ANAPC10: variants seen among roughly 807,000 people sequenced by gnomAD.
The protein encoded by ANAPC10 is anaphase-promoting complex subunit 10.
ANAPC10 carries 12 observed loss-of-function variants against 22.0 expected under a neutral mutation model. That is an observed-to-expected ratio of 0.55 (90% CI 0.35 to 0.88). ANAPC10 has a LOEUF of 0.88. Ranked by LOEUF, ANAPC10 falls within the 40% of genes least tolerant of loss-of-function variation. ANAPC10 has a pLI of 0.01. For missense variants in ANAPC10, 188 were observed against 220.9 expected (o/e 0.85, Z 0.94); for synonymous variants, 65 against 69.5 (o/e 0.94, Z 0.32).
chr4:145,015,711 G>A (rs1228217656), intron 4 of ANAPC10, among the ~76,000 whole-genome samples: 3 of 152,132 alleles, frequency 2.0e-5, no homozygotes, highest in East Asian at 1.9e-4. Context: ...AACCTATAAA[G>A]GTAAACCTAT....
intron 4 of ANAPC10, among the ~76,000 whole-genome samples, chr4:145,005,317 T>C (rs560353618): frequency 2.6e-5 from 4 of 152,326 alleles, no homozygotes; most frequent in African/African-American, 9.6e-5. Context: ...AGTGGTTACA[T>C]CCCTCTTGTC....
chr4:145,075,164 T>C (rs892756708), intron 3 of ANAPC10, among the ~76,000 whole-genome samples: 1 of 152,118 alleles, frequency 6.6e-6, no homozygotes, highest in Non-Finnish European at 1.5e-5. Context: ...TCATACTAGC[T>C]TTTTTAGCAA....
At chr4:145,069,812 T>G (rs1425297037) in intron 3 of ANAPC10, among the ~76,000 whole-genome samples, 1 of 152,088 alleles carries the variant, frequency 6.6e-6, no homozygotes, top group Non-Finnish European at 1.5e-5. Flanking sequence ...TTGTAAAAGA[T>G]TTAATGAACA....
intron 4 of ANAPC10, among the ~76,000 whole-genome samples, chr4:145,021,744 T>C (rs1735984184): frequency 6.6e-6 from 1 of 151,650 alleles, no homozygotes; most frequent in African/African-American, 2.4e-5. Context: ...CAGCCCAGAG[T>C]GGGAGAAAAT....
chr4:145,002,352 G>GA (rs1394523708), intron 4 of ANAPC10, among the ~76,000 whole-genome samples: 1 of 152,128 alleles, frequency 6.6e-6, no homozygotes, highest in Non-Finnish European at 1.5e-5. Context: ...GCTCACTATG[G>GA]AAAGCAAGCT....
chr4:145,010,030 C>A (rs1734048008), intron 4 of ANAPC10, among the ~76,000 whole-genome samples: 1 of 152,138 alleles, frequency 6.6e-6, no homozygotes, highest in African/African-American at 2.4e-5. Flanking sequence ...ACAGACACTT[C>A]TCAAAAGAAG....
intron 4 of ANAPC10, among the ~76,000 whole-genome samples, chr4:144,998,138 T>G (rs1731915908): frequency 6.6e-6 from 1 of 152,106 alleles, no homozygotes; most frequent in Admixed American, 6.6e-5. Context: ...AATGGGAGAT[T>G]TTAACACCCC....
intron 3 of ANAPC10, among the ~76,000 whole-genome samples, chr4:145,070,411 T>C (rs910380261): frequency 1.3e-5 from 2 of 151,882 alleles, no homozygotes; most frequent in Admixed American, 6.6e-5. Context: ...AGGAAGCACA[T>C]GAAAAAAATG....
At chr4:145,097,606 C>T (rs2124206) in intron 1 of ANAPC10, 1 of 1,120,462 alleles carries the variant, frequency 8.9e-7, no homozygotes, top group South Asian at 1.3e-5. Flanking sequence ...TTGGCAAGGC[C>T]TGAGGCTTAA....
intron 3 of ANAPC10, 32 bp downstream of exon 3, chr4:145,081,628 G>C: frequency 7.3e-7 from 1 of 1,378,324 alleles, no homozygotes; most frequent in Non-Finnish European, 1.0e-6. Flanking sequence ...ATAACCTACA[G>C]TAGATGAAAA....
intron 3 of ANAPC10, among the ~76,000 whole-genome samples, chr4:145,067,909 C>T (rs541789262): frequency 1.3e-5 from 2 of 152,258 alleles, no homozygotes; most frequent in South Asian, 4.2e-4. Flanking sequence ...ATGGTGTGTA[C>T]TAAAGAAAGT....
At chr4:145,013,018 G>A (rs1370076877) in intron 4 of ANAPC10, among the ~76,000 whole-genome samples, 1 of 152,064 alleles carries the variant, frequency 6.6e-6, no homozygotes, top group Admixed American at 6.6e-5. Flanking sequence ...TCCAACTCCA[G>A]CCATGTAAAA....
chr4:145,027,297 C>T (rs1021951867), intron 4 of ANAPC10, among the ~76,000 whole-genome samples: 47 of 151,738 alleles, frequency 3.1e-4, no homozygotes, highest in Admixed American at 2.1e-3. Context: ...AGCCACCACA[C>T]CTGGCCAAAA....
chr4:145,064,335 T>C, intron 4 of ANAPC10: 1 of 307,426 alleles, frequency 3.3e-6, no homozygotes, highest in East Asian at 5.6e-5. Flanking sequence ...GCATTCACTG[T>C]ACAATTCTTT....
intron 4 of ANAPC10, among the ~76,000 whole-genome samples, chr4:145,005,334 G>A (rs1733180132): frequency 6.6e-6 from 1 of 152,110 alleles, no homozygotes. Flanking sequence ...TGTCATTTCT[G>A]ACTGTATTTT....
chr4:145,053,841 T>C (rs908430965), intron 4 of ANAPC10: 2 of 560,664 alleles, frequency 3.6e-6, no homozygotes, highest in African/African-American at 3.9e-5. Context: ...TTTTAAATTA[T>C]GATAAAATGC....
At chr4:145,010,533 T>C (rs965952756) in intron 4 of ANAPC10, among the ~76,000 whole-genome samples, 1 of 152,148 alleles carries the variant, frequency 6.6e-6, no homozygotes, top group Non-Finnish European at 1.5e-5. Flanking sequence ...GGGACATGCA[T>C]GAAGGTGAAA....
At chr4:145,047,464 T>C (rs548806913) in intron 4 of ANAPC10, among the ~76,000 whole-genome samples, 2 of 152,246 alleles carry the variant, frequency 1.3e-5, no homozygotes, top group South Asian at 4.1e-4. Context: ...GTTCAGTGAG[T>C]CATGATAATT....
At chr4:145,067,362 G>A (rs1424987990) in intron 3 of ANAPC10, among the ~76,000 whole-genome samples, 1 of 152,072 alleles carries the variant, frequency 6.6e-6, no homozygotes, top group Non-Finnish European at 1.5e-5. Flanking sequence ...GATATTACAA[G>A]AGTGGGGAAG....
Sources: allele counts gnomAD v4.1 joint callset (sites outside exome capture counted in the v4.1 genomes callset), GRCh38; gene constraint gnomAD v4.1.1; transcripts MANE v1.5; gene names NCBI Gene and HGNC (gene_info 2026-07-23, HGNC 2026-07-21).